Variants in RIMS2 observed in about 807,000 individuals in gnomAD.
The protein encoded by RIMS2 is regulating synaptic membrane exocytosis protein 2.
In RIMS2, 59 loss-of-function variants were observed where a neutral mutation model predicts 174.4. The ratio of observed to expected loss-of-function variants is 0.34; its 90% confidence interval spans 0.27 to 0.42. The LOEUF is 0.42. RIMS2 is among the 10% of genes least tolerant of loss of function. RIMS2 has a pLI of 1.00. For synonymous variants in RIMS2, 606 were observed against 572.5 expected, an observed-to-expected ratio of 1.06 and a Z score of -0.84; for missense variants, 1,620 against 1,666.3, an observed-to-expected ratio of 0.97 and a Z score of 0.48.
At chr8:103,977,366 A>T (rs2093540093) in intron 16 of RIMS2, 1 of 152,368 alleles carries the variant, frequency 6.6e-6, no homozygotes, top group African/African-American at 2.4e-5. Flanking sequence ...AATAACGTGT[A>T]ATCTGAAATT....
At chr8:103,906,232 GT>G (rs2074378333) in intron 4 of RIMS2, among the ~76,000 whole-genome samples, 1 of 151,864 alleles carries the variant, frequency 6.6e-6, no homozygotes, top group South Asian at 2.1e-4. Context: ...ACAGTTTTTT[GT>G]TTTGTTTTGT....
chr8:104,225,472 C>T (rs2138839210), intron 19 of RIMS2, among the ~76,000 whole-genome samples: 1 of 152,228 alleles, frequency 6.6e-6, no homozygotes, highest in Admixed American at 6.5e-5. Flanking sequence ...GGACTCATTT[C>T]CCAGATTTTT....
chr8:103,828,300 AG>A (rs1203110407), intron 3 of RIMS2, among the ~76,000 whole-genome samples: 3 of 152,204 alleles, frequency 2.0e-5, no homozygotes, highest in Non-Finnish European at 2.9e-5. Context: ...AGAATTCACC[AG>A]CAGAACCATC....
intron 2 of RIMS2, among the ~76,000 whole-genome samples, chr8:103,728,412 C>G (rs1338175477): frequency 1.3e-5 from 2 of 151,980 alleles, no homozygotes; most frequent in Non-Finnish European, 2.9e-5. Flanking sequence ...CATTTTAATG[C>G]CTTTTATCTC....
intron 19 of RIMS2, among the ~76,000 whole-genome samples, chr8:104,243,848 G>A (rs1167986932): frequency 1.3e-5 from 2 of 152,162 alleles, no homozygotes; most frequent in Non-Finnish European, 2.9e-5. Context: ...AGCTTTGGTA[G>A]CCTCTCAACT....
At chr8:104,242,468 C>T (rs1451021952) in intron 19 of RIMS2, among the ~76,000 whole-genome samples, 1 of 152,046 alleles carries the variant, frequency 6.6e-6, no homozygotes, top group Non-Finnish European at 1.5e-5. Flanking sequence ...TCTTGTTTTG[C>T]TTTCCCAAAC....
intron 5 of RIMS2, among the ~76,000 whole-genome samples, chr8:103,910,803 T>C (rs1356154128): frequency 6.6e-6 from 1 of 152,214 alleles, no homozygotes; most frequent in African/African-American, 2.4e-5. Context: ...TTTTGTCTTT[T>C]GTCGCATGAG....
At chr8:103,997,051 C>T (rs761878561) in intron 17 of RIMS2, among the ~76,000 whole-genome samples, 2 of 151,752 alleles carry the variant, frequency 1.3e-5, no homozygotes, top group Non-Finnish European at 3.0e-5. Flanking sequence ...GGGAATTGCA[C>T]ATTCATAAGA....
intron 3 of RIMS2, among the ~76,000 whole-genome samples, chr8:103,833,601 G>A (rs1193433900): frequency 6.6e-6 from 1 of 151,308 alleles, no homozygotes; most frequent in Non-Finnish European, 1.5e-5. Context: ...AAATTTTATT[G>A]ATTTTATTTC....
chr8:103,965,419 T>G (rs550294003), intron 15 of RIMS2, among the ~76,000 whole-genome samples: 45 of 152,178 alleles, frequency 3.0e-4, no homozygotes, highest in Admixed American at 1.6e-3. Flanking sequence ...GTAAATGGTG[T>G]TGCATTTTTA....
chr8:103,675,343 G>A (rs1214698462), intron 1 of RIMS2, among the ~76,000 whole-genome samples: 1 of 152,186 alleles, frequency 6.6e-6, no homozygotes, highest in Non-Finnish European at 1.5e-5. Flanking sequence ...CATATTAGGT[G>A]TAGAACTCAG....
chr8:103,714,261 A>G (rs1311120033), intron 2 of RIMS2, among the ~76,000 whole-genome samples: 2 of 152,226 alleles, frequency 1.3e-5, no homozygotes, highest in Non-Finnish European at 2.9e-5. Context: ...CATTGCATTT[A>G]AGTCCAGCTC....
At chr8:103,519,931 G>A (rs536838467) in intron 1 of RIMS2, among the ~76,000 whole-genome samples, 13 of 152,028 alleles carry the variant, frequency 8.6e-5, no homozygotes, top group Admixed American at 7.9e-4. Context: ...CTTTTTATAA[G>A]TAGCTGGATT....
chr8:104,245,189 A>C, intron 20 of RIMS2, 132 bp downstream of exon 26: 1 of 877,798 alleles, frequency 1.1e-6, no homozygotes, highest in Non-Finnish European at 1.7e-6. Context: ...TTTCCTGTGA[A>C]GAGAACTTTG....
At chr8:103,570,523 G>T (rs2092727828) in intron 1 of RIMS2, among the ~76,000 whole-genome samples, 2 of 152,224 alleles carry the variant, frequency 1.3e-5, no homozygotes, top group South Asian at 4.1e-4. Context: ...ATTTTTGCAG[G>T]AGATTGTAAA....
chr8:103,854,699 A>G (rs1282217367), intron 3 of RIMS2, among the ~76,000 whole-genome samples: 1 of 152,050 alleles, frequency 6.6e-6, no homozygotes, highest in African/African-American at 2.4e-5. Context: ...CCATCCTTGT[A>G]TCCCAGGAAA....
At chr8:104,147,267 ACT>A (rs2098648845) in intron 19 of RIMS2, among the ~76,000 whole-genome samples, 1 of 150,586 alleles carries the variant, frequency 6.6e-6, no homozygotes, top group Non-Finnish European at 1.5e-5. Context: ...ACACACACTA[ACT>A]CTCTTTGTCC....
At chr8:103,547,846 G>A (rs1182031056) in intron 1 of RIMS2, among the ~76,000 whole-genome samples, 1 of 152,024 alleles carries the variant, frequency 6.6e-6, no homozygotes, top group Non-Finnish European at 1.5e-5. Context: ...TGATCCCACA[G>A]AAATACTAAA....
chr8:103,598,977 A>G (rs1332088583), intron 1 of RIMS2, among the ~76,000 whole-genome samples: 6 of 151,860 alleles, frequency 4.0e-5, no homozygotes, highest in African/African-American at 1.2e-4. Context: ...TGATCTTTCT[A>G]TTAACCCAGA....
Sources: gnomAD v4.1 joint callset for allele counts (sites outside exome capture counted in the v4.1 genomes callset) on GRCh38, gnomAD v4.1.1 for gene constraint, MANE v1.5 for transcripts, NCBI Gene and HGNC (gene_info 2026-07-23, HGNC 2026-07-21) for gene names.